SNRNP40: variants seen among roughly 807,000 people sequenced by gnomAD.
SNRNP40 encodes the protein small nuclear ribonucleoprotein U5 subunit 40, also known as U5 small nuclear ribonucleoprotein 40 kDa protein.
A neutral mutation model predicts 45.8 loss-of-function variants in SNRNP40; 21 were observed. The ratio of observed to expected loss-of-function variants is 0.46; its 90% CI spans 0.32 to 0.66. The LOEUF (loss-of-function observed/expected upper bound fraction) is 0.66. Among genes scored for constraint, SNRNP40 ranks in the 30% least tolerant of loss-of-function variants. SNRNP40 has a pLI of 0.03. For missense variants in SNRNP40, 344 were observed against 439.1 expected (o/e 0.78, Z 1.94); for synonymous variants, 142 against 163.8 (o/e 0.87, Z 1.01).
intron 9 of SNRNP40, 94 bp downstream of exon 9, chr1:31,261,435 G>C: frequency 1.3e-6 from 1 of 778,436 alleles, no homozygotes; most frequent in South Asian, 1.6e-5. Flanking sequence ...ATGGAAATTC[G>C]TATAAAACAG....
intron 1 of SNRNP40, 152 bp downstream of exon 1, chr1:31,296,459 G>A: frequency 9.7e-7 from 1 of 1,035,432 alleles, no homozygotes; most frequent in Non-Finnish European, 1.4e-6. Flanking sequence ...GCAGGCTATG[G>A]GGAGCTTTTA....
chr1:31,283,941 G>A (rs1205367648), intron 4 of SNRNP40, among the ~76,000 whole-genome samples: 3 of 152,210 alleles, frequency 2.0e-5, no homozygotes, highest in East Asian at 3.9e-4. Context: ...AATTCTTAGA[G>A]GGCCAGGTAT....
intron 5 of SNRNP40, among the ~76,000 whole-genome samples, chr1:31,275,348 C>T (rs186268872): frequency 2.3e-4 from 35 of 152,292 alleles, no homozygotes; most frequent in Middle Eastern, 3.4e-3. Context: ...AAGAGTCTTC[C>T]TGAGTTCGAG....
intron 6 of SNRNP40, chr1:31,269,679 T>G: frequency 4.0e-6 from 1 of 250,860 alleles, no homozygotes; most frequent in Non-Finnish European, 7.5e-6. Flanking sequence ...TATGGGCACC[T>G]GATAGTCTAA....
Position 31,259,637 on chromosome 1 carries a change from C to CA in SNRNP40, c.*434dup, listed in dbSNP as rs747837713. 44 of 396,528 alleles carry CA rather than the reference C, an allele frequency of 1.1e-4. No individual in the cohort carries two copies. The highest frequency in any genetic ancestry group is 3.7e-4 in the Middle Eastern group (1 of 2,710). 24.6% of individuals were successfully genotyped at this position (396,528 alleles called of 1,614,324 possible). A position where few individuals can be genotyped will look rare whatever the true frequency, so the allele number is the denominator to read the frequency against. ...ATTCTGATTTATAGCAATCAAGCCTCAAAAAAAAGACAGCAATAAATCCAA... is the reference window on the plus strand; with the variant it reads ...ATTCTGATTTATAGCAATCAAGCCTCAAAAAAAAAGACAGCAATAAATCCAA... On this transcript the variant is annotated 3_prime_UTR_variant, in exon 10 of 10. Coordinates refer to ENST00000263694, the MANE Select transcript of SNRNP40 (RefSeq NM_004814.3).
At chr1:31,288,821 T>C (rs1174690769) in intron 4 of SNRNP40, among the ~76,000 whole-genome samples, 2 of 152,150 alleles carry the variant, frequency 1.3e-5, no homozygotes, top group African/African-American at 4.8e-5. Flanking sequence ...AAGCTCCACC[T>C]CCCGGGTGCA....
At chr1:31,283,989 C>T (rs753737189) in intron 4 of SNRNP40, among the ~76,000 whole-genome samples, 16 of 152,076 alleles carry the variant, frequency 1.1e-4, no homozygotes, top group African/African-American at 3.4e-4. Flanking sequence ...TTTCGGAGGC[C>T]GAGGCCAGGA....
intron 5 of SNRNP40, among the ~76,000 whole-genome samples, chr1:31,277,246 C>G (rs142394905): frequency 6.6e-6 from 1 of 152,010 alleles, no homozygotes; most frequent in Non-Finnish European, 1.5e-5. Context: ...TGTTTACATA[C>G]AAAACATTGT....
intron 1 of SNRNP40, among the ~76,000 whole-genome samples, chr1:31,294,034 C>T (rs949986179): frequency 6.6e-6 from 1 of 151,220 alleles, no homozygotes; most frequent in Admixed American, 6.6e-5. Context: ...TCTCGGCTCA[C>T]TGCAACCTAT....
At chr1:31,295,571 A>G (rs1646142580) in intron 1 of SNRNP40, among the ~76,000 whole-genome samples, 1 of 152,218 alleles carries the variant, frequency 6.6e-6, no homozygotes. Context: ...GAGTAACTGA[A>G]GCCAGGTGAG....
chr1:31,295,847 T>C (rs919234526), intron 1 of SNRNP40, among the ~76,000 whole-genome samples: 3 of 152,246 alleles, frequency 2.0e-5, no homozygotes, highest in Admixed American at 6.5e-5. Flanking sequence ...ATGGAGATGG[T>C]AGAAGTAGCA....
Position 31,296,656 on chromosome 1 carries a change from T to G in SNRNP40, c.96A>C (p.Pro32=), listed in dbSNP as rs1047562477. ...GCGTCGCCTGCTGCTGCCCGGCTCC[T>G]GGGCCAGACCCCGCTCCCAACAGCA... is the stretch of plus-strand genomic sequence containing the variant. ...HELLLGAGSG[P]GAGQQQATPG... The change falls in exon 1 of 10, where the codon CCA becomes CCC. Residue 32 remains proline (P), a synonymous_variant. Transcript: ENST00000263694. 2.5e-6 allele frequency: 4 copies of G among 1,613,676 alleles called. No individual in the cohort carries two copies. In the African/African-American group the frequency reaches 5.3e-5, roughly 22 times the overall value.
chr1:31,269,834 G>C (rs991830764), intron 6 of SNRNP40, among the ~76,000 whole-genome samples: 2 of 152,152 alleles, frequency 1.3e-5, no homozygotes, highest in African/African-American at 4.8e-5. Context: ...CAGTGAGATT[G>C]TTTGTGTCTT....
chr1:31,290,589 C>T (rs1245289946), intron 3 of SNRNP40, among the ~76,000 whole-genome samples: 1 of 152,134 alleles, frequency 6.6e-6, no homozygotes, highest in African/African-American at 2.4e-5. Context: ...ATTGTACACA[C>T]AGTTCTGGCC....
At chr1:31,263,663 T>C in intron 8 of SNRNP40, 1 of 451,626 alleles carries the variant, frequency 2.2e-6, no homozygotes, top group East Asian at 7.6e-5. Context: ...AAGTAGTACT[T>C]CTGTATAACT....
At chr1:31,277,975 G>A (rs1234016792) in intron 5 of SNRNP40, among the ~76,000 whole-genome samples, 1 of 152,204 alleles carries the variant, frequency 6.6e-6, no homozygotes, top group African/African-American at 2.4e-5. Flanking sequence ...GATTACAGGC[G>A]TGAGCCAACA....
chr1:31,285,891 C>T (rs1646054107), intron 4 of SNRNP40, among the ~76,000 whole-genome samples: 1 of 152,138 alleles, frequency 6.6e-6, no homozygotes, highest in African/African-American at 2.4e-5. Context: ...GATGCTGCAT[C>T]TTTGTTGTAT....
chr1:31,276,358 C>T lies in SNRNP40; in HGVS notation c.655-4859G>A, dbSNP rs186921079. On this transcript the variant is annotated intron_variant, in intron 5 of 9. Transcript: ENST00000263694. The stretch of plus-strand genomic sequence containing the variant: ...CCACCACATTGCAGCCTGGGCAACA[C>T]GAGTGAGACCTCAAAATAAAGCAAA... Among the ~76,000 whole-genome samples, 6 of 151,720 alleles carry T rather than the reference C, an allele frequency of 4.0e-5. No homozygotes were observed. The East Asian group carries it at 5.8e-4, about 15-fold the overall frequency.
chr1:31,296,032 T>A (rs1451179358), intron 1 of SNRNP40, among the ~76,000 whole-genome samples: 1 of 152,246 alleles, frequency 6.6e-6, no homozygotes, highest in Non-Finnish European at 1.5e-5. Flanking sequence ...TTCTATCACG[T>A]ACTTGGTAAG....
Sources: allele counts gnomAD v4.1 joint callset (sites outside exome capture counted in the v4.1 genomes callset), GRCh38; gene constraint gnomAD v4.1.1; transcripts MANE v1.5; gene names NCBI Gene and HGNC (gene_info 2026-07-23, HGNC 2026-07-21).